Variants in LTBP1 observed in about 807,000 individuals in gnomAD.
The protein encoded by LTBP1 is latent-transforming growth factor beta-binding protein 1.
LTBP1 carries 129 observed loss-of-function variants against 207.6 expected under a neutral mutation model. That is an observed-to-expected ratio of 0.62 (90% confidence interval 0.54 to 0.72). The LOEUF (loss-of-function observed/expected upper bound fraction) is 0.72. LTBP1 is among the 30% of genes least tolerant of loss of function. The pLI, the probability that LTBP1 is intolerant of heterozygous loss-of-function variation, is 0.00. For missense variants in LTBP1, 2,281 were observed against 2,217.2 expected, an observed-to-expected ratio of 1.03 and a Z score of -0.58; for synonymous variants, 963 against 833.7, an observed-to-expected ratio of 1.16 and a Z score of -2.67.
intron 15 of LTBP1, among the ~76,000 whole-genome samples, 188 bp downstream of exon 15, chr2:33,263,580 C>T (rs1312690173): frequency 6.6e-6 from 1 of 152,088 alleles, no homozygotes; most frequent in Non-Finnish European, 1.5e-5. Context: ...ATATATGAAA[C>T]AGAATATCAC....
At chr2:33,379,850 T>C (rs1310067059) in intron 31 of LTBP1, among the ~76,000 whole-genome samples, 1 of 152,250 alleles carries the variant, frequency 6.6e-6, no homozygotes, top group Non-Finnish European at 1.5e-5. Flanking sequence ...TGGATAGTGG[T>C]ATATCTTTGT....
intron 2 of LTBP1, among the ~76,000 whole-genome samples, chr2:32,953,217 G>A (rs767872281): frequency 6.6e-6 from 1 of 152,250 alleles, no homozygotes; most frequent in Non-Finnish European, 1.5e-5. Flanking sequence ...GAGATGCAGT[G>A]GTGGATGGCA....
At chr2:32,973,413 A>G (rs219036) in intron 2 of LTBP1, among the ~76,000 whole-genome samples, 30,461 of 152,070 alleles carry the variant, frequency 0.2, 3,975 homozygotes, top group East Asian at 0.7. Flanking sequence ...TGTCCGTTAC[A>G]TAATGCTCTT....
At chr2:33,330,812 C>T (rs1313771999) in intron 24 of LTBP1, among the ~76,000 whole-genome samples, 1 of 126,710 alleles carries the variant, frequency 7.9e-6, no homozygotes. Flanking sequence ...CTATCATGGT[C>T]TCAAAAAAAA....
intron 4 of LTBP1, among the ~76,000 whole-genome samples, chr2:33,132,343 T>C (rs183056387): frequency 8.9e-4 from 136 of 152,274 alleles, no homozygotes; most frequent in Non-Finnish European, 1.4e-3. Flanking sequence ...ATTTCTAAGG[T>C]AGACTCCCAG....
At chr2:33,304,083 G>T (rs2094043698) in intron 22 of LTBP1, among the ~76,000 whole-genome samples, 1 of 152,168 alleles carries the variant, frequency 6.6e-6, no homozygotes, top group Non-Finnish European at 1.5e-5. Flanking sequence ...TGCATGAAAA[G>T]TCAAACAAAA....
chr2:33,014,379 G>A (rs1688065638), intron 2 of LTBP1, among the ~76,000 whole-genome samples: 1 of 152,124 alleles, frequency 6.6e-6, no homozygotes, highest in East Asian at 1.9e-4. Flanking sequence ...ACTAAAATGT[G>A]TGACCTCATG....
At chr2:32,981,507 G>C (rs1324884955) in intron 2 of LTBP1, among the ~76,000 whole-genome samples, 1 of 152,124 alleles carries the variant, frequency 6.6e-6, no homozygotes, top group African/African-American at 2.4e-5. Context: ...AGTTTGTTCA[G>C]CTTTTTACTT....
intron 9 of LTBP1, among the ~76,000 whole-genome samples, chr2:33,227,799 CTTTTTTTTTT>C (rs10548945): frequency 3.7e-5 from 2 of 53,346 alleles, no homozygotes; most frequent in Admixed American, 2.8e-4. Context: ...ATAAGAAGCT[CTTTTTTTTTT>C]TTTTTTTTTT....
At chr2:33,036,337 G>T (rs979747903) in intron 3 of LTBP1, among the ~76,000 whole-genome samples, 1 of 152,084 alleles carries the variant, frequency 6.6e-6, no homozygotes, top group Non-Finnish European at 1.5e-5. Flanking sequence ...TAAAGCTGGG[G>T]ATTCTTTTAC....
At chr2:33,238,108 TG>T (rs568932542) in intron 9 of LTBP1, among the ~76,000 whole-genome samples, 11 of 152,308 alleles carry the variant, frequency 7.2e-5, no homozygotes, top group African/African-American at 2.2e-4. Context: ...GAAAAGTATT[TG>T]TATTAAGAGG....
At chr2:33,303,235 T>C (rs191552880) in intron 22 of LTBP1, among the ~76,000 whole-genome samples, 2 of 152,090 alleles carry the variant, frequency 1.3e-5, no homozygotes, top group African/African-American at 4.8e-5. Context: ...GGTCCCCAAC[T>C]TTTTTGGCAC....
At chr2:33,066,910 A>G (rs982632814) in intron 3 of LTBP1, among the ~76,000 whole-genome samples, 1 of 152,192 alleles carries the variant, frequency 6.6e-6, no homozygotes, top group African/African-American at 2.4e-5. Context: ...GACTCTTCTA[A>G]GCCTTGAGCA....
intron 15 of LTBP1, among the ~76,000 whole-genome samples, chr2:33,270,199 C>A (rs567043923): frequency 6.6e-6 from 1 of 151,784 alleles, no homozygotes; most frequent in African/African-American, 2.4e-5. Context: ...GGATTACAGA[C>A]GTGAGCCACT....
intron 20 of LTBP1, among the ~76,000 whole-genome samples, chr2:33,299,783 A>G (rs913615186): frequency 6.6e-6 from 1 of 152,222 alleles, no homozygotes; most frequent in African/African-American, 2.4e-5. Flanking sequence ...ATAACTTCGT[A>G]TACATGACAT....
intron 2 of LTBP1, among the ~76,000 whole-genome samples, chr2:32,998,512 T>TAAAAA (rs769287082): frequency 6.8e-5 from 2 of 29,236 alleles, no homozygotes; most frequent in African/African-American, 1.7e-4. Context: ...GACTCCATCT[T>TAAAAA]AAAAAAAAAA....
chr2:33,204,809 A>G (rs542298341), intron 7 of LTBP1, among the ~76,000 whole-genome samples: 1 of 152,370 alleles, frequency 6.6e-6, no homozygotes, highest in Non-Finnish European at 1.5e-5. Context: ...TGACCTTCAA[A>G]ACAATCAGGA....
intron 25 of LTBP1, among the ~76,000 whole-genome samples, chr2:33,344,988 C>T (rs941332837): frequency 7.2e-5 from 11 of 152,166 alleles, no homozygotes; most frequent in African/African-American, 2.7e-4. Context: ...CACAAAACAC[C>T]ACCCTTAGAG....
rs1676336140 is a variant in LTBP1 at position 32,947,394 on chromosome 2, CG to C, written c.72del (p.Leu25CysfsTer21). 2 of 1,403,598 alleles carry C rather than the reference CG, an allele frequency of 1.4e-6. No individual in the cohort carries two copies. Among genetic ancestry groups the C allele is most frequent in the South Asian group, 1.5e-5 (1 of 67,762 alleles). 86.9% of individuals were successfully genotyped at this position (1,403,598 alleles called of 1,614,324 possible). A position where few individuals can be genotyped will look rare whatever the true frequency, so the allele number is the denominator to read the frequency against. On this transcript the variant is annotated frameshift_variant, in exon 1 of 34. Transcript: ENST00000404816. LOFTEE classifies it high-confidence loss of function. ...GCTCCTCGCGTCCTCGGCGCACGGC[CG>C]GCTGCGGAGGATCACCTACGTGGTG... ...AGLLASSAHG[R>X]LRRITYVVHP...
Sources: gnomAD v4.1 joint callset for allele counts (sites outside exome capture counted in the v4.1 genomes callset) on GRCh38, gnomAD v4.1.1 for gene constraint, MANE v1.5 for transcripts, NCBI Gene and HGNC (gene_info 2026-07-23, HGNC 2026-07-21) for gene names.